FAM13A: variants seen among roughly 807,000 people sequenced by gnomAD.
FAM13A encodes family with sequence similarity 13 member A, also known as protein FAM13A.
FAM13A carries 76 observed loss-of-function variants against 129.6 expected under a neutral mutation model. The ratio of observed to expected loss-of-function variants is 0.59; its 90% CI spans 0.49 to 0.71. The LOEUF is 0.71. FAM13A is among the 30% of genes least tolerant of loss of function. FAM13A has a pLI of 0.00. For synonymous variants in FAM13A, 443 were observed against 449.9 expected (o/e 0.98, Z 0.20); for missense variants, 1,108 against 1,249.3 (o/e 0.89, Z 1.70).
At chr4:88,986,519 T>C (rs1286895630) in intron 4 of FAM13A, among the ~76,000 whole-genome samples, 1 of 152,238 alleles carries the variant, frequency 6.6e-6, no homozygotes, top group Non-Finnish European at 1.5e-5. Flanking sequence ...ATTCTAAAAT[T>C]GGAAATGGAT....
At chr4:88,741,841 A>G (rs1740333563) in intron 19 of FAM13A, among the ~76,000 whole-genome samples, 1 of 152,208 alleles carries the variant, frequency 6.6e-6, no homozygotes, top group South Asian at 2.1e-4. Flanking sequence ...ATTTCGTATA[A>G]GGGATACTCA....
chr4:88,975,639 A>T (rs1760795196), intron 4 of FAM13A, among the ~76,000 whole-genome samples: 1 of 152,236 alleles, frequency 6.6e-6, no homozygotes, highest in Admixed American at 6.5e-5. Context: ...AAGCATGGAA[A>T]ATGAGAAACA....
At position 89,020,530 on chromosome 4, in the gene FAM13A, C is replaced by G; in HGVS notation, c.357G>C (p.Leu119=). 1 of 1,614,116 alleles carries G rather than the reference C, an allele frequency of 6.2e-7. No homozygotes were observed. Among genetic ancestry groups the G allele is most frequent in the East Asian group, 2.2e-5 (1 of 44,876 alleles). Residue 119 remains leucine, a synonymous_variant, in exon 3 of 24, where the codon CTG becomes CTC. Coordinates refer to ENST00000264344, the MANE Select transcript of FAM13A (RefSeq NM_014883.4). ...GACTGTCAGGCAGCTCCCTCAGAAACAGCTTCAACAGACTGGCTGCTGAGC... is the reference window on the plus strand; with the variant it reads ...GACTGTCAGGCAGCTCCCTCAGAAAGAGCTTCAACAGACTGGCTGCTGAGC... ...DVCSAASLLK[L]FLRELPDSLI...
chr4:88,906,783 T>G (rs964182077), intron 5 of FAM13A, among the ~76,000 whole-genome samples: 4 of 152,228 alleles, frequency 2.6e-5, no homozygotes. Flanking sequence ...GCTCTTCTTT[T>G]GAGAAGTGAA....
chr4:89,054,052 T>G (rs1355762543), intron 1 of FAM13A, among the ~76,000 whole-genome samples: 1 of 152,174 alleles, frequency 6.6e-6, no homozygotes, highest in South Asian at 2.1e-4. Context: ...TAAAATAGAT[T>G]TGTTACAGTA....
chr4:89,041,417 G>T (rs1408945267), intron 1 of FAM13A, among the ~76,000 whole-genome samples: 1 of 152,078 alleles, frequency 6.6e-6, no homozygotes, highest in East Asian at 1.9e-4. Context: ...TATGCCGAAG[G>T]TTGCAAATTT....
chr4:89,029,687 T>C, intron 1 of FAM13A, 38 bp from the exon 2 acceptor site: 1 of 1,547,068 alleles, frequency 6.5e-7, no homozygotes, highest in Non-Finnish European at 8.8e-7. Flanking sequence ...GTCAGTCATA[T>C]TTACCACAGG....
At chr4:88,787,151 T>C (rs1251215952) in intron 10 of FAM13A, among the ~76,000 whole-genome samples, 3 of 152,154 alleles carry the variant, frequency 2.0e-5, no homozygotes, top group Non-Finnish European at 2.9e-5. Context: ...AATCTTTTCA[T>C]GGAGAATAAA....
intron 7 of FAM13A, among the ~76,000 whole-genome samples, chr4:88,815,991 A>G (rs1730642109): frequency 6.6e-6 from 1 of 152,034 alleles, no homozygotes; most frequent in African/African-American, 2.4e-5. Flanking sequence ...TTTTCTAAAA[A>G]AAAAAAAGAA....
At chr4:88,754,659 A>T (rs533218423) in intron 14 of FAM13A, among the ~76,000 whole-genome samples, 1 of 152,318 alleles carries the variant, frequency 6.6e-6, no homozygotes, top group Admixed American at 6.5e-5. Context: ...GAAGAATTTT[A>T]AAAAATTTTC....
At chr4:88,913,722 C>T (rs1351536024) in intron 5 of FAM13A, among the ~76,000 whole-genome samples, 1 of 152,160 alleles carries the variant, frequency 6.6e-6, no homozygotes, top group Non-Finnish European at 1.5e-5. Context: ...AGAGTTGATA[C>T]AGAGAAGCCT....
intron 5 of FAM13A, among the ~76,000 whole-genome samples, chr4:88,908,649 C>G: frequency 6.6e-6 from 1 of 152,204 alleles, no homozygotes; most frequent in East Asian, 1.9e-4. Context: ...ATGTCACCTA[C>G]ATGAATTATA....
At chr4:88,985,234 T>C (rs147842382) in intron 4 of FAM13A, among the ~76,000 whole-genome samples, 1 of 152,180 alleles carries the variant, frequency 6.6e-6, no homozygotes, top group African/African-American at 2.4e-5. Flanking sequence ...ATGTCCAGAA[T>C]AGGCAACTCT....
At chr4:88,831,959 G>C (rs1415915673) in intron 7 of FAM13A, among the ~76,000 whole-genome samples, 1 of 152,160 alleles carries the variant, frequency 6.6e-6, no homozygotes, top group African/African-American at 2.4e-5. Context: ...AAAGAACAAA[G>C]CTGGAAGTAT....
At chr4:89,011,741 T>C (rs1765764248) in intron 3 of FAM13A, among the ~76,000 whole-genome samples, 1 of 152,190 alleles carries the variant, frequency 6.6e-6, no homozygotes, top group Non-Finnish European at 1.5e-5. Context: ...AAGATTTTCC[T>C]CTCCATACAA....
chr4:89,000,948 G>A (rs975369518), intron 3 of FAM13A, among the ~76,000 whole-genome samples: 2 of 152,204 alleles, frequency 1.3e-5, no homozygotes, highest in Admixed American at 1.3e-4. Context: ...ACATATGCAC[G>A]CACACATGTG....
intron 3 of FAM13A, among the ~76,000 whole-genome samples, chr4:89,006,579 T>A (rs761971090): frequency 3.3e-5 from 5 of 152,250 alleles, no homozygotes; most frequent in Non-Finnish European, 7.4e-5. Flanking sequence ...TAGGGGTATG[T>A]TACAATTAAT....
chr4:88,970,828 A>T (rs1363137414), intron 4 of FAM13A, among the ~76,000 whole-genome samples: 1 of 152,184 alleles, frequency 6.6e-6, no homozygotes, highest in Non-Finnish European at 1.5e-5. Flanking sequence ...AAAGAGAGGG[A>T]TAATAAAAAT....
At chr4:88,916,041 A>G (rs1750063499) in intron 5 of FAM13A, among the ~76,000 whole-genome samples, 1 of 151,928 alleles carries the variant, frequency 6.6e-6, no homozygotes, top group African/African-American at 2.4e-5. Flanking sequence ...TTTATAAATT[A>G]AAAAAAAGAA....
Sources: gnomAD v4.1 joint callset for allele counts (sites outside exome capture counted in the v4.1 genomes callset) on GRCh38, gnomAD v4.1.1 for gene constraint, MANE v1.5 for transcripts, NCBI Gene and HGNC (gene_info 2026-07-23, HGNC 2026-07-21) for gene names.